Variants in ANKRD13B observed in about 807,000 individuals in gnomAD.
ANKRD13B encodes ankyrin repeat domain-containing protein 13B.
Under a neutral mutation model 74.4 loss-of-function variants are expected in ANKRD13B, and 33 were observed. The observed-to-expected ratio is 0.44, with a 90% confidence interval of 0.34 to 0.59. The LOEUF (loss-of-function observed/expected upper bound fraction) is 0.59, where lower values mean the gene tolerates loss of function less well. ANKRD13B is among the 20% of genes least tolerant of loss of function. The probability of loss-of-function intolerance (pLI) is 0.02; values close to 1 mark genes in which losing one functional copy is unlikely to be tolerated. For missense variants in ANKRD13B, 676 were observed against 877.9 expected (o/e 0.77, Z 2.91); for synonymous variants, 341 against 362.9 (o/e 0.94, Z 0.68).
rs768771017 is a variant in ANKRD13B at position 29,609,179 on chromosome 17, T to G, written c.659T>G (p.Leu220Arg). The G allele has an allele frequency of 6.2e-7, 1 of 1,612,514 alleles. No homozygotes were observed. The highest frequency in any genetic ancestry group is 1.7e-5 in the Admixed American group (1 of 60,022). The change falls in exon 6 of 15, where the codon CTG becomes CGG. Residue 220 changes from leucine (L) to arginine (R), a missense_variant. This residue lies in a region of ANKRD13B where 328 missense variants were observed against 518.4 expected (regional missense o/e 0.63). Transcript: ENST00000394859. The surrounding 1 kb of genome is among the most constrained non-coding windows in gnomAD (Gnocchi z 4.0). Reference sequence around the variant, plus strand: ...GCTGGGCAGGACCGGGAGCTGCTGCTGGCTGCTGCTCAGCCCACTGAGGAA... The same window carrying G: ...GCTGGGCAGGACCGGGAGCTGCTGCGGGCTGCTGCTCAGCCCACTGAGGAA... The part of the protein sequence containing the change: ...ALAGQDRELL[L>R]AAAQPTEEQV...
At chr17:29,613,256 G>T (rs1051600410) in intron 14 of ANKRD13B, 98 bp from the exon 15 acceptor site, 108 of 1,392,084 alleles carry the variant, frequency 7.8e-5, no homozygotes, top group Non-Finnish European at 9.9e-5. Context: ...CTAGAGGGTG[G>T]TGGCCGCGGG....
In ANKRD13B at chr17:29,608,370, C is replaced by T. The variant is rs572441217; in HGVS notation, c.421+130C>T. 2.5e-5 allele frequency: 30 copies of T among 1,193,472 alleles called. No individual in the cohort carries two copies. The highest frequency in any genetic ancestry group is 2.2e-4 in the Middle Eastern group (1 of 4,518). 73.9% of individuals were successfully genotyped at this position (1,193,472 alleles called of 1,614,324 possible). A position where few individuals can be genotyped will look rare whatever the true frequency, so the allele number is the denominator to read the frequency against. ...ATGCCTTAGCTCAGCTCAGGGCCAC[C>T]GCCTCAGCTAGGCCTTTCCAGATTG... On this transcript the variant is annotated intron_variant, in intron 4 of 14. Transcript: ENST00000394859. This position sits in a 1 kb window ranked among gnomAD's most constrained non-coding sequence, Gnocchi z 6.4.
chr17:29,607,149 T>C (rs184527223), intron 1 of ANKRD13B, among the ~76,000 whole-genome samples: 1 of 152,332 alleles, frequency 6.6e-6, no homozygotes, highest in East Asian at 1.9e-4. Flanking sequence ...CACAAAATTA[T>C]AGGATTTGTA....
At chr17:29,597,346 A>T (rs961792111) in intron 1 of ANKRD13B, among the ~76,000 whole-genome samples, 1 of 152,202 alleles carries the variant, frequency 6.6e-6, no homozygotes, top group African/African-American at 2.4e-5. Context: ...GCAGCTGGGC[A>T]TGCATGTGCT....
chr17:29,599,347 T>C (rs1462789958), intron 1 of ANKRD13B: 2 of 150,936 alleles, frequency 1.3e-5, no homozygotes, highest in African/African-American at 4.9e-5. Flanking sequence ...AGGGTGACTT[T>C]AGCTGCCATA....
chr17:29,608,886 T>G lies in ANKRD13B; in HGVS notation c.457T>G (p.Tyr153Asp). 1 of 1,614,104 alleles carries G rather than the reference T, an allele frequency of 6.2e-7. No individual in the cohort carries two copies. Among genetic ancestry groups the G allele is most frequent in the Non-Finnish European group, 8.5e-7 (1 of 1,180,018 alleles). ...GTCCAAGATCTGCCCTAGTGACACC[T>G]ACAAAGTGTGGAAGAGCGGCCAGAA... The part of the protein sequence containing the change: ...LVSKICPSDT[Y>D]KVWKSGQNLR... Residue 153 changes from tyrosine to aspartate, a missense_variant, in exon 5 of 15, where the codon TAC becomes GAC. Transcript: ENST00000394859. The surrounding 1 kb of genome is among the most constrained non-coding windows in gnomAD (Gnocchi z 6.4).
chr17:29,607,931 G>T, intron 2 of ANKRD13B, 54 bp downstream of exon 2: 1 of 1,578,686 alleles, frequency 6.3e-7, no homozygotes. Context: ...CAGCATCATA[G>T]ACCTATGGTT....
chr17:29,611,276 G>A lies in ANKRD13B; in HGVS notation c.905-303G>A, dbSNP rs1457942089. On this transcript the variant is annotated intron_variant, in intron 8 of 14. Coordinates refer to ENST00000394859, the MANE Select transcript of ANKRD13B (RefSeq NM_152345.5). This position sits in a 1 kb window ranked among gnomAD's most constrained non-coding sequence, Gnocchi z 4.3. ...CACACGCACATGCACACCCCACAGTGCCTGCCGGGGCAGGCGTTTTACTGT... is the reference window on the plus strand; with the variant it reads ...CACACGCACATGCACACCCCACAGTACCTGCCGGGGCAGGCGTTTTACTGT... 1.3e-5 allele frequency among the ~76,000 whole-genome samples: 2 copies of A among 152,230 alleles called. No individual in the cohort carries two copies. Among genetic ancestry groups the A allele is most frequent in the Admixed American group, 1.3e-4 (2 of 15,288 alleles).
rs1262051640 is a variant in ANKRD13B, at chr17:29,593,678, C to T, written c.57C>T (p.His19=). 4.1e-6 allele frequency: 6 copies of T among 1,447,056 alleles called. No homozygotes were observed. In the Admixed American group the frequency reaches 1.3e-4, roughly 30 times the overall value. The allele number at this position is 1,447,056 out of a possible 1,614,324, so 89.6% of individuals were successfully genotyped here. A position where few individuals can be genotyped will look rare whatever the true frequency, so the allele number is the denominator to read the frequency against. The change falls in exon 1 of 15, where the codon CAC becomes CAT. Residue 19 remains histidine (H), a synonymous_variant. Coordinates refer to ENST00000394859, the MANE Select transcript of ANKRD13B (RefSeq NM_152345.5). ...GGCCCGAGGGCAAGTATCCGCTGCACTACCTCGTGTGGCACAACCGCCACC... is the reference window on the plus strand; with the variant it reads ...GGCCCGAGGGCAAGTATCCGCTGCATTACCTCGTGTGGCACAACCGCCACC... ...RKGPEGKYPL[H]YLVWHNRHRE...
rs2034622158 is a variant in ANKRD13B, at chr17:29,612,554, A to C, written c.1411A>C (p.Thr471Pro). 27 of 1,343,268 alleles carry C rather than the reference A, an allele frequency of 2.0e-5. No individual in the cohort carries two copies. The highest frequency in any genetic ancestry group is 2.5e-5 in the Non-Finnish European group (26 of 1,026,840). 83.2% of individuals were successfully genotyped at this position (1,343,268 alleles called of 1,614,324 possible). A position where few individuals can be genotyped will look rare whatever the true frequency, so the allele number is the denominator to read the frequency against. The change falls in exon 12 of 15, where the codon ACC (threonine) becomes CCC (proline). Residue 471 changes from threonine to proline, a missense_variant and splice_region_variant. Thr to Pro is a conservative substitution (Grantham distance 38, BLOSUM62 -1). Transcript: ENST00000394859. This position sits in a 1 kb window ranked among gnomAD's most constrained non-coding sequence, Gnocchi z 6.1. The part of the protein sequence containing the change: ...SSSVSSSSST[T>P]SCRGCEISPA... ...CAGCGTCAGCAGCTCCAGCTCCACGAGTGAGGCCCCCCGCGAGAACGCCTG... is the reference window on the plus strand; with the variant it reads ...CAGCGTCAGCAGCTCCAGCTCCACGCGTGAGGCCCCCCGCGAGAACGCCTG...
intron 1 of ANKRD13B, among the ~76,000 whole-genome samples, chr17:29,601,071 G>A (rs1434077660): frequency 1.3e-5 from 2 of 150,482 alleles, no homozygotes; most frequent in Non-Finnish European, 3.0e-5. Context: ...CGATAGGCAT[G>A]CACCACCACG....
At position 29,608,981 on chromosome 17, in the gene ANKRD13B, C is replaced by T. The variant is rs763399687; in HGVS notation, c.552C>T (p.Val184=). The T allele has an allele frequency of 6.2e-7, 1 of 1,614,172 alleles. No individual in the cohort carries two copies. The highest frequency in any genetic ancestry group is 8.5e-7 in the Non-Finnish European group (1 of 1,180,044). The change falls in exon 5 of 15, where the codon GTC becomes GTT. Residue 184 remains valine, a synonymous_variant. Coordinates refer to ENST00000394859, the MANE Select transcript of ANKRD13B (RefSeq NM_152345.5). This position sits in a 1 kb window ranked among gnomAD's most constrained non-coding sequence, Gnocchi z 6.4. ...MTWQRGNRSF[V]FRGQDTSAVV... Reference sequence around the variant, plus strand: ...GGCAGCGAGGGAACCGCAGCTTTGTCTTCAGGGGCCAAGGTCAGGCAGGCA... The same window carrying T: ...GGCAGCGAGGGAACCGCAGCTTTGTTTTCAGGGGCCAAGGTCAGGCAGGCA...
rs35481781 is a variant in ANKRD13B, at chr17:29,609,234, C to G, written c.714C>G (p.Val238=). ...EQVLSRLTAP[V]VTTQLDTKNI... Reference sequence around the variant, plus strand: ...TGCTGAGCCGGCTTACCGCGCCCGTCGTCACCACTCAGCTTGACACCAAGA... The same window carrying G: ...TGCTGAGCCGGCTTACCGCGCCCGTGGTCACCACTCAGCTTGACACCAAGA... Residue 238 remains valine, a synonymous_variant, in exon 6 of 15, where the codon GTC becomes GTG. Coordinates refer to ENST00000394859, the MANE Select transcript of ANKRD13B (RefSeq NM_152345.5). The surrounding 1 kb of genome is among the most constrained non-coding windows in gnomAD (Gnocchi z 4.0). 1 of 1,613,106 alleles carries G rather than the reference C, an allele frequency of 6.2e-7. No individual in the cohort carries two copies. The highest frequency in any genetic ancestry group is 8.5e-7 in the Non-Finnish European group (1 of 1,179,854).
In ANKRD13B at chr17:29,612,595, C is replaced by CCCG; in HGVS notation, c.1411+41_1411+42insCCG. ...AGAACGCCTGCCCCTCGGCTCTCCC[C>CCCG]GGGGTGGGTGGGAGGGGCGCGCCCG... On this transcript the variant is annotated intron_variant, in intron 12 of 14. Coordinates refer to ENST00000394859, the MANE Select transcript of ANKRD13B (RefSeq NM_152345.5). This position sits in a 1 kb window ranked among gnomAD's most constrained non-coding sequence, Gnocchi z 6.1. 1 of 45,982 alleles carries CCCG rather than the reference C, an allele frequency of 2.2e-5. No individual in the cohort carries two copies. Among genetic ancestry groups the CCCG allele is most frequent in the South Asian group, 1.4e-4 (1 of 6,970 alleles). The allele number at this position is 45,982 out of a possible 1,614,324, so 2.8% of individuals were successfully genotyped here. A position where few individuals can be genotyped will look rare whatever the true frequency, so the allele number is the denominator to read the frequency against.
At chr17:29,605,413 CAA>C (rs397857705) in intron 1 of ANKRD13B, among the ~76,000 whole-genome samples, 26 of 137,444 alleles carry the variant, frequency 1.9e-4, no homozygotes, top group African/African-American at 6.4e-4. Flanking sequence ...TATACACACA[CAA>C]ACACACACAC....
At chr17:29,605,435 T>C (rs9901272) in intron 1 of ANKRD13B, among the ~76,000 whole-genome samples, 125 of 147,032 alleles carry the variant, frequency 8.5e-4, no homozygotes, top group African/African-American at 1.7e-3. Context: ...CACACACACA[T>C]ACACACACAC....
intron 1 of ANKRD13B, among the ~76,000 whole-genome samples, chr17:29,596,250 A>G (rs2033951118): frequency 6.6e-6 from 1 of 152,262 alleles, no homozygotes; most frequent in South Asian, 2.1e-4. Context: ...GGCTTTGCTC[A>G]GCCCCAAATT....
chr17:29,613,712 C>A lies in ANKRD13B; in HGVS notation c.*130C>A. 1 of 1,334,458 alleles carries A rather than the reference C, an allele frequency of 7.5e-7. No individual in the cohort carries two copies. The highest frequency in any genetic ancestry group is 9.7e-7 in the Non-Finnish European group (1 of 1,034,562). The allele number at this position is 1,334,458 out of a possible 1,614,324, so 82.7% of individuals were successfully genotyped here. On this transcript the variant is annotated 3_prime_UTR_variant, in exon 15 of 15. Transcript: ENST00000394859. ...AGCCACCGCCTCGCGGGTGCAGCAG[C>A]ACAGCAGGCACGGTTCGGGGAGGGA... is the stretch of plus-strand genomic sequence containing the variant.
rs1214190157 is a variant in ANKRD13B at position 29,611,765 on chromosome 17, G to C, written c.970-111G>C. ...TCCTTTCCACAATGCCCAAGGCCAT[G>C]TCAGCGCCACACTGGCAGAGGGGAC... On this transcript the variant is annotated intron_variant, in intron 9 of 14. Coordinates refer to ENST00000394859, the MANE Select transcript of ANKRD13B (RefSeq NM_152345.5). This position sits in a 1 kb window ranked among gnomAD's most constrained non-coding sequence, Gnocchi z 4.3. 3.8e-6 allele frequency: 6 copies of C among 1,570,704 alleles called. No homozygotes were observed. The highest frequency in any genetic ancestry group is 4.3e-6 in the Non-Finnish European group (5 of 1,149,650).
Sources: allele counts gnomAD v4.1 joint callset (sites outside exome capture counted in the v4.1 genomes callset), GRCh38; gene constraint gnomAD v4.1.1; regional missense constraint gnomAD v4.1.1; non-coding constraint Gnocchi (gnomAD v3.1); transcripts MANE v1.5; gene names NCBI Gene and HGNC (gene_info 2026-07-23, HGNC 2026-07-21).